Variants in PDE1C observed in about 807,000 individuals in gnomAD.
PDE1C encodes phosphodiesterase 1C.
In PDE1C, 62 loss-of-function variants were observed where a neutral mutation model predicts 93.1. That is an observed-to-expected ratio of 0.67 (90% CI 0.54 to 0.82). The LOEUF (loss-of-function observed/expected upper bound fraction) is 0.82, where lower values mean the gene tolerates loss of function less well. Among genes scored for constraint, PDE1C ranks in the 40% least tolerant of loss-of-function variants. The pLI is 0.00. For missense variants in PDE1C, 742 were observed against 884.6 expected, an observed-to-expected ratio of 0.84 and a Z score of 2.04; for synonymous variants, 325 against 310.1, an observed-to-expected ratio of 1.05 and a Z score of -0.50.
At chr7:32,150,761 G>A (rs549949733) in intron 3 of PDE1C, among the ~76,000 whole-genome samples, 10 of 152,288 alleles carry the variant, frequency 6.6e-5, no homozygotes, top group Non-Finnish European at 1.2e-4. Flanking sequence ...TTAGGTCTTC[G>A]TTCATTTGCA....
At chr7:32,138,576 C>A (rs552930847) in intron 3 of PDE1C, among the ~76,000 whole-genome samples, 2 of 152,044 alleles carry the variant, frequency 1.3e-5, no homozygotes, top group African/African-American at 2.4e-5. Context: ...CTGGGCAGAC[C>A]AAGATAAGAG....
upstream of PDE1C, chr7:32,299,526 A>C (rs1812829188): frequency 1.5e-6 from 1 of 674,250 alleles, no homozygotes; most frequent in Admixed American, 6.3e-5. Flanking sequence ...TGTCCTTTCG[A>C]ATTTGGGTTT....
intron 9 of PDE1C, among the ~76,000 whole-genome samples, chr7:31,842,284 G>A (rs1792007929): frequency 6.6e-6 from 1 of 151,950 alleles, no homozygotes; most frequent in African/African-American, 2.4e-5. Context: ...TTTTTTTCCA[G>A]AGTGTGGTAT....
chr7:32,358,689 G>A (rs1345820552), intron 1 of PDE1C, among the ~76,000 whole-genome samples: 3 of 152,128 alleles, frequency 2.0e-5, no homozygotes, highest in African/African-American at 4.8e-5. Context: ...AGTCTTCACC[G>A]TTCTATGAAT....
chr7:32,207,371 A>C (rs997304708), intron 2 of PDE1C, among the ~76,000 whole-genome samples: 1 of 137,118 alleles, frequency 7.3e-6, no homozygotes, highest in African/African-American at 3.7e-5. Context: ...AAAAAAAAAA[A>C]ACTTATCATC....
At chr7:32,117,614 T>C (rs543035657) in intron 3 of PDE1C, among the ~76,000 whole-genome samples, 18 of 152,208 alleles carry the variant, frequency 1.2e-4, no homozygotes, top group Admixed American at 2.0e-4. Flanking sequence ...CATATACACA[T>C]GTGCATACCA....
At chr7:31,947,023 G>A (rs1489859007) in intron 2 of PDE1C, among the ~76,000 whole-genome samples, 1 of 152,168 alleles carries the variant, frequency 6.6e-6, no homozygotes, top group Non-Finnish European at 1.5e-5. Context: ...AGATGCCAGA[G>A]GTCTGAAAAT....
chr7:32,282,708 G>A (rs1392018501), intron 1 of PDE1C, among the ~76,000 whole-genome samples: 22 of 150,728 alleles, frequency 1.5e-4, no homozygotes, highest in Non-Finnish European at 2.7e-4. Context: ...AGCCTCCCGA[G>A]TAGCTGGGAC....
At chr7:31,713,427 G>C in the PDE1C span, among the ~76,000 whole-genome samples, 3 of 152,218 alleles carry the variant, frequency 2.0e-5, no homozygotes, top group African/African-American at 7.2e-5. Flanking sequence ...CCCCCTGGCT[G>C]CTTTCACAGT....
At position 31,830,005 on chromosome 7, in the gene PDE1C, C is replaced by T. The variant is rs188667537; in HGVS notation, c.1204-1632G>A. On this transcript the variant is annotated intron_variant, in intron 11 of 17. Transcript: ENST00000396191. ...CTCCATGACTATTAAAATATAAACACTAATTTGGATTTCATTACTGAACAA... is the reference window on the plus strand; with the variant it reads ...CTCCATGACTATTAAAATATAAACATTAATTTGGATTTCATTACTGAACAA... 1.2e-3 allele frequency among the ~76,000 whole-genome samples: 177 copies of T among 152,156 alleles called. 1 individual carries two copies. The highest frequency in any genetic ancestry group is 6.8e-3 in the Middle Eastern group (2 of 294).
intron 2 of PDE1C, among the ~76,000 whole-genome samples, chr7:32,198,899 T>C (rs533772459): frequency 3.9e-5 from 6 of 152,010 alleles, no homozygotes; most frequent in Non-Finnish European, 8.8e-5. Context: ...GGTGGATCAC[T>C]TGAGGTCAGG....
chr7:31,910,622 G>A (rs912060197), intron 2 of PDE1C, among the ~76,000 whole-genome samples: 2 of 152,170 alleles, frequency 1.3e-5, no homozygotes, highest in East Asian at 1.9e-4. Flanking sequence ...CTGTTCTCAC[G>A]AGCCTGTAAG....
chr7:32,315,796 G>T (rs550621708), intron 1 of PDE1C, among the ~76,000 whole-genome samples: 4 of 152,110 alleles, frequency 2.6e-5, no homozygotes, highest in Non-Finnish European at 5.9e-5. Flanking sequence ...GGGTGTTCGA[G>T]ACCAGCCTAA....
intron 1 of PDE1C, among the ~76,000 whole-genome samples, chr7:32,272,190 G>T (rs551682106): frequency 6.6e-6 from 1 of 152,202 alleles, no homozygotes; most frequent in Non-Finnish European, 1.5e-5. Flanking sequence ...AATGGGGCCC[G>T]CAGTGAATAG....
intron 1 of PDE1C, among the ~76,000 whole-genome samples, chr7:32,411,578 G>T (rs1214810921): frequency 2.0e-5 from 3 of 152,272 alleles, no homozygotes; most frequent in Non-Finnish European, 2.9e-5. Context: ...AGTTGCTCTG[G>T]GTGAGTCAGT....
At chr7:32,157,889 TA>T (rs1415669029) in intron 3 of PDE1C, among the ~76,000 whole-genome samples, 1 of 152,196 alleles carries the variant, frequency 6.6e-6, no homozygotes, top group Non-Finnish European at 1.5e-5. Flanking sequence ...AATATTATTT[TA>T]AAAAACAAAT....
chr7:32,156,986 T>C (rs748526515), intron 3 of PDE1C, among the ~76,000 whole-genome samples: 13 of 152,200 alleles, frequency 8.5e-5, no homozygotes, highest in Non-Finnish European at 1.6e-4. Context: ...TCCTTCCTCA[T>C]TGCTGTGCCG....
At chr7:32,184,373 C>T (rs1803688213) in intron 2 of PDE1C, among the ~76,000 whole-genome samples, 1 of 152,180 alleles carries the variant, frequency 6.6e-6, no homozygotes. Context: ...CATCACTATT[C>T]ACAATAGCAA....
At position 32,196,208 on chromosome 7, in the gene PDE1C, G is replaced by C. The variant is rs1335034525; in HGVS notation, c.136+13281C>G. Among the ~76,000 whole-genome samples the C allele has an allele frequency of 2.6e-5, 4 of 152,206 alleles. No homozygotes were observed. In the East Asian group the frequency reaches 7.7e-4, roughly 29 times the overall value. ...TTGAGATACCTTGTTACAGCCTTGT[G>C]AGGGTGGACATCCAGGTTTCCCAGC... is the stretch of plus-strand genomic sequence containing the variant. On this transcript the variant is annotated intron_variant, in intron 2 of 18. Transcript: ENST00000396193.
Sources: gnomAD v4.1 joint callset for allele counts (sites outside exome capture counted in the v4.1 genomes callset) on GRCh38, gnomAD v4.1.1 for gene constraint, MANE v1.5 for transcripts, NCBI Gene and HGNC (gene_info 2026-07-23, HGNC 2026-07-21) for gene names.